TRAPPC13: variants seen among roughly 807,000 people sequenced by gnomAD.
TRAPPC13 encodes the protein REV7-interacting novel NHEJ regulator 1.
A neutral mutation model predicts 54.0 loss-of-function variants in TRAPPC13; 39 were observed. That is an observed-to-expected ratio of 0.72 (90% CI 0.56 to 0.94). TRAPPC13 has a LOEUF of 0.94. Among genes scored for constraint, TRAPPC13 ranks in the 40% least tolerant of loss-of-function variants. The probability of loss-of-function intolerance (pLI) is 0.00; values close to 1 mark genes in which losing one functional copy is unlikely to be tolerated. For synonymous variants in TRAPPC13, 148 were observed against 167.7 expected (o/e 0.88, Z 0.91); for missense variants, 386 against 488.1 (o/e 0.79, Z 1.97).
At chr5:65,631,441 A>G (rs1404781043) in intron 1 of TRAPPC13, among the ~76,000 whole-genome samples, 4 of 152,182 alleles carry the variant, frequency 2.6e-5, no homozygotes, top group Non-Finnish European at 5.9e-5. Flanking sequence ...ATTGTGTGCC[A>G]CAGGGGTTTG....
chr5:65,636,487 T>C (rs145140967), intron 3 of TRAPPC13, among the ~76,000 whole-genome samples: 1 of 151,990 alleles, frequency 6.6e-6, no homozygotes, highest in East Asian at 1.9e-4. Flanking sequence ...AATCATACTA[T>C]GTGATTATGG....
rs1406196961 is a variant in TRAPPC13, at chr5:65,643,765, C to T, written c.301-3290C>T. Among the ~76,000 whole-genome samples the T allele has an allele frequency of 6.9e-5, 10 of 144,750 alleles. No homozygotes were observed. In the Admixed American group the frequency reaches 7.2e-4, roughly 10 times the overall value. 95.0% of individuals were successfully genotyped at this position (144,750 alleles called of 152,430 possible). ...CCGGGAGGCAGAGCTTGCAGTGAGC[C>T]GAGATCGTGCCACTGCACTCCAGCC... On this transcript the variant is annotated intron_variant, in intron 4 of 12. Transcript: ENST00000399438.
At chr5:65,664,145 G>A (rs1756942409) in intron 11 of TRAPPC13, 92 bp from the exon 12 acceptor site, 3 of 1,321,438 alleles carry the variant, frequency 2.3e-6, no homozygotes, top group South Asian at 1.4e-5. Flanking sequence ...TGGATATGGA[G>A]AAAACAAGTT....
chr5:65,635,794 T>A (rs1177790056), intron 2 of TRAPPC13, 150 bp from the exon 3 acceptor site: 1 of 519,166 alleles, frequency 1.9e-6, no homozygotes, highest in Non-Finnish European at 3.3e-6. Flanking sequence ...TGACATGCTT[T>A]GTTGTATTAA....
In TRAPPC13 at chr5:65,662,145, C is replaced by G. The variant is rs748869531; in HGVS notation, c.993C>G (p.Asn331Lys). 1 of 1,601,182 alleles carries G rather than the reference C, an allele frequency of 6.2e-7. No homozygotes were observed. Among genetic ancestry groups the G allele is most frequent in the Non-Finnish European group, 8.5e-7 (1 of 1,173,568 alleles). Reference sequence around the variant, plus strand: ...TTCATATTACCTGTAAAATAACAAACTGCAGGTAATGCCACTGTTTGTAGA... The same window carrying G: ...TTCATATTACCTGTAAAATAACAAAGTGCAGGTAATGCCACTGTTTGTAGA... ...EPFHITCKIT[N>K]CSERTMDLVL... The change falls in exon 11 of 13, where the codon AAC becomes AAG. Residue 331 changes from asparagine to lysine, a missense_variant. Physicochemically the swap from Asn to Lys is moderately conservative, Grantham distance 94 (BLOSUM62 0). Transcript: ENST00000399438.
intron 7 of TRAPPC13, among the ~76,000 whole-genome samples, chr5:65,654,101 A>G (rs570451207): frequency 2.0e-4 from 31 of 152,284 alleles, no homozygotes; most frequent in Non-Finnish European, 4.0e-4. Context: ...AAAATATGGT[A>G]GTACACTAAG....
At chr5:65,656,080 A>C (rs1390599401) in intron 8 of TRAPPC13, among the ~76,000 whole-genome samples, 5 of 152,214 alleles carry the variant, frequency 3.3e-5, no homozygotes, top group Non-Finnish European at 1.5e-5. Context: ...TCAGGTGATG[A>C]TGGCCGCTTG....
At chr5:65,633,988 T>G (rs1297933451) in intron 1 of TRAPPC13, among the ~76,000 whole-genome samples, 1 of 135,730 alleles carries the variant, frequency 7.4e-6, no homozygotes, top group Middle Eastern at 3.6e-3. Flanking sequence ...TTTTTTTTTT[T>G]TTTTTTTTTT....
At chr5:65,637,906 G>C (rs1425916057) in intron 4 of TRAPPC13, 126 bp downstream of exon 4, 11 of 449,194 alleles carry the variant, frequency 2.4e-5, no homozygotes, top group Non-Finnish European at 4.1e-5. Flanking sequence ...ATCACCTGAG[G>C]TCAGGAGTTC....
At position 65,630,298 on chromosome 5, in the gene TRAPPC13, T is replaced by G. The variant is rs771009301; in HGVS notation, c.47-5003T>G. Reference sequence around the variant, plus strand: ...GAAGATTAGCTCTTACTGGAAAAATTAATTTATTTGTGCATAAATATGGTG... The same window carrying G: ...GAAGATTAGCTCTTACTGGAAAAATGAATTTATTTGTGCATAAATATGGTG... On this transcript the variant is annotated intron_variant, in intron 1 of 12. Coordinates refer to ENST00000399438, the MANE Select transcript of TRAPPC13 (RefSeq NM_024941.4). The G allele has an allele frequency of 2.7e-5, 41 of 1,530,504 alleles. No homozygotes were observed. In the African/African-American group the frequency reaches 5.4e-4, roughly 20 times the overall value. 94.8% of individuals were successfully genotyped at this position (1,530,504 alleles called of 1,614,324 possible).
intron 6 of TRAPPC13, among the ~76,000 whole-genome samples, chr5:65,651,858 T>G (rs1195412217): frequency 2.6e-4 from 29 of 110,584 alleles, no homozygotes; most frequent in Admixed American, 3.6e-4. Context: ...TTTTTTTTTT[T>G]TTTTTTTTTT....
At chr5:65,630,276 G>A (rs1203334518) in intron 1 of TRAPPC13, 4 of 1,534,700 alleles carry the variant, frequency 2.6e-6, no homozygotes, top group South Asian at 2.4e-5. Flanking sequence ...CTTAAAGGAA[G>A]ATTAGCTCTT....
Position 65,665,401 on chromosome 5 carries a change from CAGTATAAGCTTTCT to C in TRAPPC13, c.*794_*807del, listed in dbSNP as rs1190235281. 6.6e-6 allele frequency: 1 copy of C among 152,150 alleles called. No homozygotes were observed. The highest frequency in any genetic ancestry group is 1.5e-5 in the Non-Finnish European group (1 of 68,034). The allele number at this position is 152,150 out of a possible 1,614,324, so 9.4% of individuals were successfully genotyped here. On this transcript the variant is annotated 3_prime_UTR_variant, in exon 13 of 13. Transcript: ENST00000399438. ...TCTTATAACCTGATATTTGTCAACA[CAGTATAAGCTTTCT>C]AGTTGTTTTCAAAATTACTGTAATG... is the stretch of plus-strand genomic sequence containing the variant.
chr5:65,640,940 C>CT (rs5868413), intron 4 of TRAPPC13, among the ~76,000 whole-genome samples: 102 of 147,180 alleles, frequency 6.9e-4, no homozygotes, highest in South Asian at 3.1e-3. Flanking sequence ...CTTTTTCTTT[C>CT]TTTTTTTTTT....
At chr5:65,627,313 ATTAAT>A (rs1290219978) in intron 1 of TRAPPC13, among the ~76,000 whole-genome samples, 1 of 151,942 alleles carries the variant, frequency 6.6e-6, no homozygotes, top group Non-Finnish European at 1.5e-5. Flanking sequence ...TGCCAAATGT[ATTAAT>A]TTAAGTGGTC....
At chr5:65,629,845 C>T (rs1486583743) in intron 1 of TRAPPC13, 5 of 1,536,012 alleles carry the variant, frequency 3.3e-6, no homozygotes, top group Non-Finnish European at 2.6e-6. Context: ...GTTATGATTG[C>T]ACAGTAGATC....
chr5:65,630,630 TA>T, intron 1 of TRAPPC13: 2 of 1,038,418 alleles, frequency 1.9e-6, no homozygotes, highest in Non-Finnish European at 2.3e-6. Flanking sequence ...GGTTAATCTC[TA>T]AAATCTAATT....
At chr5:65,647,025 C>CTTT in intron 4 of TRAPPC13, 30 bp from the exon 5 acceptor site, 42 of 1,408,036 alleles carry the variant, frequency 3.0e-5, no homozygotes, top group South Asian at 1.1e-4. Context: ...CTCATTTGGA[C>CTTT]TTTTTTTTTT....
chr5:65,634,999 A>C, intron 1 of TRAPPC13: 1 of 860,590 alleles, frequency 1.2e-6, no homozygotes, highest in South Asian at 5.5e-5. Context: ...TTATGCTCCT[A>C]ATACTCTTTA....
Sources: gnomAD v4.1 joint callset for allele counts (sites outside exome capture counted in the v4.1 genomes callset) on GRCh38, gnomAD v4.1.1 for gene constraint, MANE v1.5 for transcripts, NCBI Gene and HGNC (gene_info 2026-07-23, HGNC 2026-07-21) for gene names.